The following AMOTL1 variants were observed in gnomAD, a reference collection of about 807,000 sequenced individuals.
The protein encoded by AMOTL1 is angiomotin like 1, also known as angiomotin-like protein 1.
In AMOTL1, 45 loss-of-function variants were observed where a neutral mutation model predicts 102.9. The ratio of observed to expected loss-of-function variants is 0.44; its 90% CI spans 0.34 to 0.56. AMOTL1 has a LOEUF of 0.56. AMOTL1 is among the 20% of genes least tolerant of loss of function. The pLI, the probability that AMOTL1 is intolerant of heterozygous loss-of-function variation, is 0.01. For synonymous variants in AMOTL1, 481 were observed against 484.7 expected, an observed-to-expected ratio of 0.99 and a Z score of 0.10; for missense variants, 1,114 against 1,225.6, an observed-to-expected ratio of 0.91 and a Z score of 1.36.
chr11:94,852,753 C>A (rs1565381736), intron 7 of AMOTL1, among the ~76,000 whole-genome samples: 1 of 152,190 alleles, frequency 6.6e-6, no homozygotes, highest in Non-Finnish European at 1.5e-5. Flanking sequence ...AAGGCCCCAA[C>A]TACCTATCTA....
chr11:94,708,149 T>C (rs1399749612), intron 1 of AMOTL1, among the ~76,000 whole-genome samples: 1 of 152,134 alleles, frequency 6.6e-6, no homozygotes, highest in Non-Finnish European at 1.5e-5. Flanking sequence ...ATTATCCCCT[T>C]AGCTCGTCCC....
intron 6 of AMOTL1, among the ~76,000 whole-genome samples, chr11:94,845,178 T>C (rs968561153): frequency 6.6e-6 from 1 of 152,214 alleles, no homozygotes. Flanking sequence ...TTAGGCTTAG[T>C]GCTCAGATAG....
Position 94,785,100 on chromosome 11 carries a change from T to TA in AMOTL1, c.50-9905dup, listed in dbSNP as rs1951165060. ...GCCCTGTTATTCCCTGAAGCTTTTATAAAAAATAACACAAAGAGAATGGTT... is the reference window on the plus strand; with the variant it reads ...GCCCTGTTATTCCCTGAAGCTTTTATAAAAAAATAACACAAAGAGAATGGTT... On this transcript the variant is annotated intron_variant, in intron 1 of 12. Coordinates refer to ENST00000433060, the MANE Select transcript of AMOTL1 (RefSeq NM_130847.3). Among the ~76,000 whole-genome samples the TA allele has an allele frequency of 3.9e-5, 6 of 152,318 alleles. No homozygotes were observed. In the South Asian group the frequency reaches 1.2e-3, roughly 32 times the overall value.
chr11:94,796,250 G>A (rs555540897), intron 2 of AMOTL1, among the ~76,000 whole-genome samples: 1 of 152,298 alleles, frequency 6.6e-6, no homozygotes, highest in South Asian at 2.1e-4. Context: ...GAGGAGAGAG[G>A]TTCAGAGAAG....
chr11:94,767,185 T>C (rs567340659), upstream of AMOTL1, among the ~76,000 whole-genome samples: 3 of 152,326 alleles, frequency 2.0e-5, no homozygotes, highest in Non-Finnish European at 4.4e-5. Context: ...GAAGGGCTGG[T>C]CAGCTGCTCT....
chr11:94,739,527 G>A (rs1217038036), intron 2 of AMOTL1, among the ~76,000 whole-genome samples: 3 of 152,152 alleles, frequency 2.0e-5, no homozygotes, highest in African/African-American at 7.2e-5. Context: ...GCCAGAGATG[G>A]CTGAGTGTTT....
intron 9 of AMOTL1, among the ~76,000 whole-genome samples, chr11:94,860,113 T>G (rs1452886421): frequency 6.6e-6 from 1 of 152,142 alleles, no homozygotes; most frequent in Non-Finnish European, 1.5e-5. Context: ...TCACCAAGAA[T>G]GATGTTGTGA....
chr11:94,757,505 G>A (rs1950740641), intron 3 of AMOTL1, among the ~76,000 whole-genome samples: 1 of 152,078 alleles, frequency 6.6e-6, no homozygotes, highest in Admixed American at 6.6e-5. Flanking sequence ...ACCACCTCTG[G>A]TGGTTTAAAA....
chr11:94,760,424 C>G (rs969219415), intron 3 of AMOTL1, among the ~76,000 whole-genome samples: 1 of 152,192 alleles, frequency 6.6e-6, no homozygotes, highest in Non-Finnish European at 1.5e-5. Flanking sequence ...ATCCCTGCAT[C>G]CTCAGCACAG....
chr11:94,840,142 A>G (rs964637238), intron 6 of AMOTL1, among the ~76,000 whole-genome samples: 1 of 152,246 alleles, frequency 6.6e-6, no homozygotes, highest in Non-Finnish European at 1.5e-5. Flanking sequence ...TGTCTGTGAA[A>G]TCAAACTTTA....
rs114438475 is a variant in AMOTL1, at chr11:94,755,437, G to T, written c.136+14449G>T. On this transcript the variant is annotated intron_variant, in intron 3 of 4. Coordinates refer to the AMOTL1 transcript ENST00000299004. ...CAGCCTCTGCTAGAACATCTTCTGA[G>T]CAGGTGTTGTATGAGTGGGGGAGGA... Among the ~76,000 whole-genome samples the T allele has an allele frequency of 4.4e-3, 672 of 152,290 alleles. 5 individuals are homozygous for T. The highest frequency in any genetic ancestry group is 0.015 in the African/African-American group (640 of 41,556).
chr11:94,714,104 T>G (rs574470864), intron 1 of AMOTL1, among the ~76,000 whole-genome samples: 1 of 152,174 alleles, frequency 6.6e-6, no homozygotes, highest in African/African-American at 2.4e-5. Flanking sequence ...GAATGAGTGT[T>G]TGCTTGTTAC....
intron 3 of AMOTL1, among the ~76,000 whole-genome samples, chr11:94,758,097 G>A (rs2135498000): frequency 2.0e-5 from 3 of 152,300 alleles, no homozygotes; most frequent in Middle Eastern, 6.8e-3. Context: ...TGCAAAAACA[G>A]ACTTGAATCT....
intron 3 of AMOTL1, among the ~76,000 whole-genome samples, chr11:94,812,188 G>T (rs1951694193): frequency 6.6e-6 from 1 of 152,206 alleles, no homozygotes; most frequent in Admixed American, 6.5e-5. Context: ...CCACCACTCA[G>T]AATCCCTTCA....
intron 10 of AMOTL1, among the ~76,000 whole-genome samples, 200 bp from the exon 11 acceptor site, chr11:94,865,742 C>T (rs1952869134): frequency 6.6e-6 from 1 of 152,118 alleles, no homozygotes; most frequent in Non-Finnish European, 1.5e-5. Context: ...CCCAAGGTGC[C>T]AGAGAAGGTG....
chr11:94,853,849 G>A (rs901854623), intron 7 of AMOTL1, 84 bp from the exon 8 acceptor site: 23 of 1,496,854 alleles, frequency 1.5e-5, no homozygotes, highest in Non-Finnish European at 2.0e-5. Context: ...AGGATCTCCA[G>A]GTAATCTGAC....
At position 94,794,570 on chromosome 11, in the gene AMOTL1, T is replaced by G. The variant is rs143811712; in HGVS notation, c.50-441T>G. 1.6e-3 allele frequency among the ~76,000 whole-genome samples: 239 copies of G among 152,336 alleles called. 2 individuals are homozygous for G. The highest frequency in any genetic ancestry group is 5.5e-3 in the African/African-American group (227 of 41,584). On this transcript the variant is annotated intron_variant, in intron 1 of 12. Transcript: ENST00000433060. ...CATGGTGTGGCAGAATGACCACTCC[T>G]TTCTGTATCTTTTATGTATTTTGAA...
chr11:94,763,792 G>C (rs1248032913), upstream of AMOTL1, among the ~76,000 whole-genome samples: 1 of 152,116 alleles, frequency 6.6e-6, no homozygotes. Context: ...GGGTGGGTTG[G>C]GCTTGCTGGT....
chr11:94,837,737 T>C (rs564152659), intron 6 of AMOTL1, among the ~76,000 whole-genome samples: 5 of 152,350 alleles, frequency 3.3e-5, no homozygotes, highest in Non-Finnish European at 7.3e-5. Flanking sequence ...GAAGTGCCTA[T>C]TGGTCATGTG....
Sources: allele counts gnomAD v4.1 joint callset (sites outside exome capture counted in the v4.1 genomes callset), GRCh38; gene constraint gnomAD v4.1.1; transcripts MANE v1.5; gene names NCBI Gene and HGNC (gene_info 2026-07-23, HGNC 2026-07-21).